Variants in LIMCH1 observed in about 807,000 individuals in gnomAD.
The protein encoded by LIMCH1 is LIM and calponin homology domains-containing protein 1.
In LIMCH1, 113 loss-of-function variants were observed where a neutral mutation model predicts 176.5. The ratio of observed to expected loss-of-function variants is 0.64; its 90% confidence interval spans 0.55 to 0.75. The LOEUF is 0.75. Among genes scored for constraint, LIMCH1 ranks in the 30% least tolerant of loss-of-function variants. The probability of loss-of-function intolerance (pLI) is 0.00; values close to 1 mark genes in which losing one functional copy is unlikely to be tolerated. For missense variants in LIMCH1, 1,674 were observed against 1,814.9 expected, an observed-to-expected ratio of 0.92 and a Z score of 1.41; for synonymous variants, 619 against 645.9, an observed-to-expected ratio of 0.96 and a Z score of 0.63.
chr4:41,581,817 A>G (rs922597742), intron 1 of LIMCH1, among the ~76,000 whole-genome samples: 8 of 150,698 alleles, frequency 5.3e-5, no homozygotes, highest in East Asian at 1.9e-4. Context: ...AAAAAAAAAA[A>G]AAAAAAAAAA....
intron 24 of LIMCH1, 71 bp downstream of exon 24, chr4:41,680,169 T>G: frequency 9.6e-7 from 1 of 1,046,752 alleles, no homozygotes; most frequent in Non-Finnish European, 1.5e-6. Context: ...ACTCTCTGTG[T>G]CTGTGGCATG....
In LIMCH1 at chr4:41,395,945, A is replaced by G. The variant is rs191961214; in HGVS notation, c.96+35009A>G. Among the ~76,000 whole-genome samples, 173 of 152,322 alleles carry G rather than the reference A, an allele frequency of 1.1e-3. 1 individual carries two copies. The highest frequency in any genetic ancestry group is 3.9e-3 in the African/African-American group (164 of 41,580). On this transcript the variant is annotated intron_variant, in intron 1 of 26. Transcript: ENST00000313860. Reference sequence around the variant, plus strand: ...GGGGAAGGGAATGTGCTGTGTTTTAAGGTGATCAGGGACAGTCTTACTGAG... The same window carrying G: ...GGGGAAGGGAATGTGCTGTGTTTTAGGGTGATCAGGGACAGTCTTACTGAG...
intron 2 of LIMCH1, among the ~76,000 whole-genome samples, chr4:41,511,792 G>T (rs2074958663): frequency 6.6e-6 from 1 of 152,200 alleles, no homozygotes. Context: ...AGACATAAAT[G>T]TAAGTGCTAA....
At chr4:41,388,900 C>T (rs1261399392) in intron 1 of LIMCH1, among the ~76,000 whole-genome samples, 1 of 152,222 alleles carries the variant, frequency 6.6e-6, no homozygotes, top group African/African-American at 2.4e-5. Flanking sequence ...GCCTCGGCCT[C>T]CCAAAGTGCT....
chr4:41,505,925 GAC>G (rs36212568), intron 2 of LIMCH1, among the ~76,000 whole-genome samples: 3,254 of 134,538 alleles, frequency 0.024, 48 homozygotes, highest in East Asian at 0.045. Flanking sequence ...CTGTGTTTCT[GAC>G]ACACACACAC....
chr4:41,697,124 A>G (rs913154452), intron 31 of LIMCH1, 36 bp from the exon 32 acceptor site: 7 of 1,611,956 alleles, frequency 4.3e-6, no homozygotes, highest in East Asian at 2.2e-5. Flanking sequence ...AATGTTGCCT[A>G]CCACTCTTGT....
rs184457310 is a variant in LIMCH1 at position 41,607,497 on chromosome 4, A to G, written c.9+1493A>G. 4.4e-3 allele frequency among the ~76,000 whole-genome samples: 667 copies of G among 152,338 alleles called. 3 individuals are homozygous for G. The highest frequency in any genetic ancestry group is 0.015 in the African/African-American group (643 of 41,580). ...TTATTTGCCCTTTAATTTCTCATCT[A>G]ACATCCAGTCTGGATTTGAGATGTC... On this transcript the variant is annotated intron_variant, in intron 4 of 31. Transcript: ENST00000503057.
chr4:41,399,683 C>CTTTTTTT (rs1353461851), intron 1 of LIMCH1, among the ~76,000 whole-genome samples: 2 of 19,740 alleles, frequency 1.0e-4, no homozygotes, highest in South Asian at 1.6e-3. Context: ...GAGGTGGATA[C>CTTTTTTT]TCTTTTTTTT....
chr4:41,494,410 C>T (rs2071675545), intron 1 of LIMCH1: 1 of 607,788 alleles, frequency 1.6e-6, no homozygotes, highest in Admixed American at 2.9e-5. Context: ...TACACATAAA[C>T]ATACATATAT....
chr4:41,364,735 T>C (rs967533121), intron 1 of LIMCH1, among the ~76,000 whole-genome samples: 2 of 152,240 alleles, frequency 1.3e-5, no homozygotes, highest in Non-Finnish European at 2.9e-5. Context: ...CTCTTGTTCT[T>C]GTAGATGATC....
intron 4 of LIMCH1, chr4:41,612,674 A>G (rs747391546): frequency 2.8e-5 from 20 of 702,082 alleles, no homozygotes; most frequent in Non-Finnish European, 4.7e-5. Flanking sequence ...CTTGTGCTGG[A>G]AAGAATTTAT....
At chr4:41,528,228 A>C (rs957139202) in intron 3 of LIMCH1, among the ~76,000 whole-genome samples, 1 of 152,144 alleles carries the variant, frequency 6.6e-6, no homozygotes, top group African/African-American at 2.4e-5. Context: ...AAAGGAAGGA[A>C]GGAAGGGAGA....
At chr4:41,507,154 G>A (rs549352852) in intron 2 of LIMCH1, among the ~76,000 whole-genome samples, 3 of 152,340 alleles carry the variant, frequency 2.0e-5, no homozygotes, top group South Asian at 2.1e-4. Context: ...AGGGGAAGGC[G>A]TGGGGCCAAG....
chr4:41,446,426 A>G (rs771621744), intron 1 of LIMCH1, among the ~76,000 whole-genome samples: 1 of 152,212 alleles, frequency 6.6e-6, no homozygotes, highest in Non-Finnish European at 1.5e-5. Context: ...GAGATTCACA[A>G]ATATACGTAG....
intron 1 of LIMCH1, among the ~76,000 whole-genome samples, chr4:41,492,209 C>T (rs1018941515): frequency 2.6e-5 from 4 of 152,132 alleles, no homozygotes; most frequent in Non-Finnish European, 4.4e-5. Context: ...GAGACCAGTC[C>T]GGTCAACATG....
intron 1 of LIMCH1, among the ~76,000 whole-genome samples, chr4:41,593,892 T>C (rs2088160105): frequency 6.6e-6 from 1 of 152,230 alleles, no homozygotes; most frequent in African/African-American, 2.4e-5. Context: ...ACTATTTGCT[T>C]TATCTCTGTC....
Position 41,491,943 on chromosome 4 carries a change from C to T in LIMCH1, c.97-2593C>T, listed in dbSNP as rs370707393. On this transcript the variant is annotated intron_variant, in intron 1 of 26. Transcript: ENST00000313860. ...ACGGGGCGGCCGGGCAGAGGGGCTCCTCACATCCCAGACGATGGGCGGCCA... is the reference window on the plus strand; with the variant it reads ...ACGGGGCGGCCGGGCAGAGGGGCTCTTCACATCCCAGACGATGGGCGGCCA... 4.3e-3 allele frequency among the ~76,000 whole-genome samples: 655 copies of T among 152,028 alleles called. 2 individuals are homozygous for T. The highest frequency in any genetic ancestry group is 9.2e-3 in the African/African-American group (382 of 41,468).
chr4:41,466,938 C>T (rs1248437128), intron 1 of LIMCH1, among the ~76,000 whole-genome samples: 1 of 152,090 alleles, frequency 6.6e-6, no homozygotes, highest in African/African-American at 2.4e-5. Context: ...TTCTCTTGCC[C>T]TCCAGCTTTT....
In LIMCH1 at chr4:41,427,035, A is replaced by G. The variant is rs112544155; in HGVS notation, c.96+66099A>G. On this transcript the variant is annotated intron_variant, in intron 1 of 26. Coordinates refer to the LIMCH1 transcript ENST00000313860. Reference sequence around the variant, plus strand: ...ACACAATTCCTGGGCACAGAAAGAGACATACAATTCATGTTGGGTCAATCA... The same window carrying G: ...ACACAATTCCTGGGCACAGAAAGAGGCATACAATTCATGTTGGGTCAATCA... Among the ~76,000 whole-genome samples, 19 of 152,324 alleles carry G rather than the reference A, an allele frequency of 1.2e-4. 1 individual carries two copies. The highest frequency in any genetic ancestry group is 3.6e-4 in the African/African-American group (15 of 41,578).
Sources: allele counts gnomAD v4.1 joint callset (sites outside exome capture counted in the v4.1 genomes callset), GRCh38; gene constraint gnomAD v4.1.1; transcripts MANE v1.5; gene names NCBI Gene and HGNC (gene_info 2026-07-23, HGNC 2026-07-21).